Variants in PHACTR2 observed in about 807,000 individuals in gnomAD.
PHACTR2 encodes phosphatase and actin regulator 2.
PHACTR2 carries 30 observed loss-of-function variants against 76.0 expected under a neutral mutation model. The ratio of observed to expected loss-of-function variants is 0.39; its 90% CI spans 0.30 to 0.54. The LOEUF (loss-of-function observed/expected upper bound fraction) is 0.54. PHACTR2 is among the 20% of genes least tolerant of loss of function. PHACTR2 has a pLI of 0.61. For missense variants in PHACTR2, 696 were observed against 781.1 expected, an observed-to-expected ratio of 0.89 and a Z score of 1.30; for synonymous variants, 292 against 292.5, an observed-to-expected ratio of 1.00 and a Z score of 0.02.
rs1293521255 is a variant in PHACTR2, at chr6:143,671,930, T to C, written c.14-40086T>C. Among the ~76,000 whole-genome samples the C allele has an allele frequency of 6.6e-6, 1 of 151,978 alleles. No individual in the cohort carries two copies. Among genetic ancestry groups the C allele is most frequent in the Non-Finnish European group, 1.5e-5 (1 of 68,002 alleles). On this transcript the variant is annotated intron_variant, in intron 1 of 11. Coordinates refer to the PHACTR2 transcript ENST00000305766. The surrounding 1 kb of genome is among the most constrained non-coding windows in gnomAD (Gnocchi z 4.6). ...CAAAATACAGATACACAGAGCAACA[T>C]GGATGAATATCAAAAACATATGAAA...
intron 1 of PHACTR2, among the ~76,000 whole-genome samples, chr6:143,629,701 T>C (rs1776326859): frequency 6.6e-6 from 1 of 152,026 alleles, no homozygotes; most frequent in Non-Finnish European, 1.5e-5. Flanking sequence ...TTGAGTGTGC[T>C]GCCAAGAGGA....
intron 1 of PHACTR2, among the ~76,000 whole-genome samples, chr6:143,699,761 C>T (rs1777857581): frequency 6.6e-6 from 1 of 152,206 alleles, no homozygotes; most frequent in African/African-American, 2.4e-5. Context: ...TCTTTCTCCT[C>T]AGTGTCCCTC....
Position 143,772,209 on chromosome 6 carries a change from G to C in PHACTR2, c.1233-49G>C, listed in dbSNP as rs1441233758. On this transcript the variant is annotated intron_variant, in intron 6 of 12. Transcript: ENST00000440869. This position sits in a 1 kb window ranked among gnomAD's most constrained non-coding sequence, Gnocchi z 5.4. ...TTTTTCTTAGTGTCAGTGCCGCCAA[G>C]GGTTGCTCTGAGCTTCACATCACTC... 1.5e-6 allele frequency: 2 copies of C among 1,356,118 alleles called. No homozygotes were observed. The highest frequency in any genetic ancestry group is 2.9e-5 in the African/African-American group (2 of 69,918). The allele number at this position is 1,356,118 out of a possible 1,614,324, so 84.0% of individuals were successfully genotyped here.
At position 143,563,887 on chromosome 6, in the gene PHACTR2, C is replaced by T. The variant is rs988923666; in HGVS notation, c.217+26680C>T. On this transcript the variant is annotated intron_variant, in intron 1 of 11. Transcript: ENST00000367584. ...GGTGTGGTGGCGCACACCTGTGGTC[C>T]CAGCTATTTGGGAGGTTGAGGTGGG... 7.3e-5 allele frequency among the ~76,000 whole-genome samples: 11 copies of T among 151,610 alleles called. No individual in the cohort carries two copies. The South Asian group carries it at 1.0e-3, about 14-fold the overall frequency.
In PHACTR2 at chr6:143,602,866, T is replaced by C. The variant is rs1401490664; in HGVS notation, c.217+65659T>C. 6.6e-6 allele frequency among the ~76,000 whole-genome samples: 1 copy of C among 152,100 alleles called. No individual in the cohort carries two copies. Among genetic ancestry groups the C allele is most frequent in the Admixed American group, 6.5e-5 (1 of 15,270 alleles). ...GATGGTAAAGAGGGTAAGTGTGGGCTGGGCACAGTGGCTCATGCCTGTAAC... is the reference window on the plus strand; with the variant it reads ...GATGGTAAAGAGGGTAAGTGTGGGCCGGGCACAGTGGCTCATGCCTGTAAC... On this transcript the variant is annotated intron_variant, in intron 1 of 11. Transcript: ENST00000367584. The surrounding 1 kb of genome is among the most constrained non-coding windows in gnomAD (Gnocchi z 6.1).
chr6:143,538,132 A>G (rs1781136007), intron 1 of PHACTR2, among the ~76,000 whole-genome samples: 2 of 152,152 alleles, frequency 1.3e-5, no homozygotes, highest in Admixed American at 6.5e-5. Flanking sequence ...AAAAGCCTCA[A>G]GCTAGCCCCT....
At chr6:143,666,026 CCCCAAACCA>C (rs560138583) in intron 1 of PHACTR2, among the ~76,000 whole-genome samples, 4 of 152,000 alleles carry the variant, frequency 2.6e-5, no homozygotes, top group South Asian at 4.2e-4. Context: ...TCCCCTAGGC[CCCCAAACCA>C]CCCCCCAACA....
upstream of PHACTR2, among the ~76,000 whole-genome samples, chr6:143,604,114 A>G (rs958796647): frequency 6.9e-6 from 1 of 145,494 alleles, no homozygotes; most frequent in Non-Finnish European, 1.5e-5. Context: ...AAAAAAAAAA[A>G]GAGAAAAGAA....
rs981428972 is a variant in PHACTR2, at chr6:143,695,118, A to G, written c.47-16898A>G. ...AACCTCAGAAATTATTTAATTTTAT[A>G]GGCATCTCTTGGACCAGGAATTGCC... On this transcript the variant is annotated intron_variant, in intron 1 of 12. Coordinates refer to ENST00000440869, the MANE Select transcript of PHACTR2 (RefSeq NM_001100164.2). This position sits in a 1 kb window ranked among gnomAD's most constrained non-coding sequence, Gnocchi z 4.4. Among the ~76,000 whole-genome samples, 3 of 152,216 alleles carry G rather than the reference A, an allele frequency of 2.0e-5. No homozygotes were observed. Among genetic ancestry groups the G allele is most frequent in the Admixed American group, 6.5e-5 (1 of 15,292 alleles).
intron 1 of PHACTR2, among the ~76,000 whole-genome samples, chr6:143,551,246 A>T (rs1775091084): frequency 6.8e-6 from 1 of 146,632 alleles, no homozygotes; most frequent in South Asian, 2.2e-4. Context: ...GCAACTGCTG[A>T]ACCCTGTGTA....
chr6:143,554,010 G>A lies in PHACTR2; in HGVS notation c.217+16803G>A, dbSNP rs1038167014. 4.6e-5 allele frequency among the ~76,000 whole-genome samples: 7 copies of A among 152,154 alleles called. No homozygotes were observed. Among genetic ancestry groups the A allele is most frequent in the Non-Finnish European group, 7.4e-5 (5 of 68,026 alleles). ...CCGGGTTGGGCCCCTGTAGACCACC[G>A]CAATGACGTTGACATTTTCTCTGAG... On this transcript the variant is annotated intron_variant, in intron 1 of 11. Transcript: ENST00000367584. This position sits in a 1 kb window ranked among gnomAD's most constrained non-coding sequence, Gnocchi z 5.9.
rs904761781 is a variant in PHACTR2 at position 143,583,368 on chromosome 6, A to G, written c.217+46161A>G. ...TTGCCCAGAACCGTTTACAATGACA[A>G]TATGATCCCTTTCTCACTTTTATGA... On this transcript the variant is annotated intron_variant, in intron 1 of 11. Coordinates refer to the PHACTR2 transcript ENST00000367584. The surrounding 1 kb of genome is among the most constrained non-coding windows in gnomAD (Gnocchi z 4.0). Among the ~76,000 whole-genome samples the G allele has an allele frequency of 3.9e-5, 6 of 152,248 alleles. No individual in the cohort carries two copies. Among genetic ancestry groups the G allele is most frequent in the Non-Finnish European group, 1.5e-5 (1 of 68,048 alleles).
At chr6:143,675,030 G>A (rs1440311118), upstream of PHACTR2, among the ~76,000 whole-genome samples, 2 of 152,186 alleles carry the variant, frequency 1.3e-5, no homozygotes, top group African/African-American at 4.8e-5. The surrounding 1 kb of genome is among the most constrained non-coding windows in gnomAD (Gnocchi z 4.9). Flanking sequence ...GGTACCCCAG[G>A]TGGGTGAGTC....
At chr6:143,713,900 GA>G (rs1778242252) in intron 2 of PHACTR2, among the ~76,000 whole-genome samples, 1 of 152,180 alleles carries the variant, frequency 6.6e-6, no homozygotes, top group African/African-American at 2.4e-5. Flanking sequence ...CAGGGCTCCA[GA>G]CGTAACGTAC....
intron 1 of PHACTR2, among the ~76,000 whole-genome samples, chr6:143,614,616 C>A (rs1776032946): frequency 6.6e-6 from 1 of 152,062 alleles, no homozygotes; most frequent in African/African-American, 2.4e-5. Context: ...ACATGAAATT[C>A]CATTGCACAT....
In PHACTR2 at chr6:143,697,846, G is replaced by A. The variant is rs1777807223; in HGVS notation, c.47-14170G>A. ...TTTTTGTGGCCTAAGTACAGTATAG[G>A]GGCACCACCAGGAATAAAATCAACT... is the stretch of plus-strand genomic sequence containing the variant. On this transcript the variant is annotated intron_variant, in intron 1 of 12. Coordinates refer to ENST00000440869, the MANE Select transcript of PHACTR2 (RefSeq NM_001100164.2). The surrounding 1 kb of genome is among the most constrained non-coding windows in gnomAD (Gnocchi z 4.4). 6.6e-6 allele frequency among the ~76,000 whole-genome samples: 1 copy of A among 151,444 alleles called. No homozygotes were observed. The highest frequency in any genetic ancestry group is 6.6e-5 in the Admixed American group (1 of 15,242).
At position 143,688,532 on chromosome 6, in the gene PHACTR2, T is replaced by C. The variant is rs1238442808; in HGVS notation, c.46+10323T>C. Reference sequence around the variant, plus strand: ...TAAGTCTATACAGAAGGTTTGATTTTGTCCTCCAAGCCAGTTCTTCCCTTG... The same window carrying C: ...TAAGTCTATACAGAAGGTTTGATTTCGTCCTCCAAGCCAGTTCTTCCCTTG... On this transcript the variant is annotated intron_variant, in intron 1 of 12. Coordinates refer to ENST00000440869, the MANE Select transcript of PHACTR2 (RefSeq NM_001100164.2). This position sits in a 1 kb window ranked among gnomAD's most constrained non-coding sequence, Gnocchi z 5.2. 6.6e-6 allele frequency among the ~76,000 whole-genome samples: 1 copy of C among 152,218 alleles called. No individual in the cohort carries two copies. Among genetic ancestry groups the C allele is most frequent in the Non-Finnish European group, 1.5e-5 (1 of 68,038 alleles).
In PHACTR2 at chr6:143,624,957, A is replaced by G. The variant is rs1582711033; in HGVS notation, c.13+16635A>G. Among the ~76,000 whole-genome samples the G allele has an allele frequency of 6.6e-6, 1 of 152,172 alleles. No homozygotes were observed. ...GATCATTTGAGGTCAGGAGTACAAG[A>G]CCAGCCTGGTCAACATGGTGAAAAC... On this transcript the variant is annotated intron_variant, in intron 1 of 11. Coordinates refer to the PHACTR2 transcript ENST00000305766. The surrounding 1 kb of genome is among the most constrained non-coding windows in gnomAD (Gnocchi z 4.6).
chr6:143,733,809 T>C lies in PHACTR2; in HGVS notation c.215-15176T>C, dbSNP rs769358852. Among the ~76,000 whole-genome samples the C allele has an allele frequency of 6.6e-6, 1 of 152,230 alleles. No homozygotes were observed. Among genetic ancestry groups the C allele is most frequent in the Non-Finnish European group, 1.5e-5 (1 of 68,042 alleles). Reference sequence around the variant, plus strand: ...TAATTCAACCATTTGTGTTCTTGTGTATTTCACAACAAAACCTAATGAGAC... The same window carrying C: ...TAATTCAACCATTTGTGTTCTTGTGCATTTCACAACAAAACCTAATGAGAC... On this transcript the variant is annotated intron_variant, in intron 2 of 12. Transcript: ENST00000440869. The surrounding 1 kb of genome is among the most constrained non-coding windows in gnomAD (Gnocchi z 4.0).
Sources: gnomAD v4.1 joint callset for allele counts (sites outside exome capture counted in the v4.1 genomes callset) on GRCh38, gnomAD v4.1.1 for gene constraint, Gnocchi (gnomAD v3.1) non-coding constraint, MANE v1.5 for transcripts, NCBI Gene and HGNC (gene_info 2026-07-23, HGNC 2026-07-21) for gene names.